ACTL6A: variants seen among roughly 807,000 people sequenced by gnomAD.
The protein encoded by ACTL6A is actin like 6A, also known as actin-like protein 6A.
ACTL6A carries 5 observed loss-of-function variants against 59.2 expected under a neutral mutation model. That is an observed-to-expected ratio of 0.08 (90% CI 0.04 to 0.18). The LOEUF is 0.18. Among genes scored for constraint, ACTL6A ranks in the 10% least tolerant of loss-of-function variants. The pLI, the probability that ACTL6A is intolerant of heterozygous loss-of-function variation, is 1.00. For missense variants in ACTL6A, 285 were observed against 526.9 expected, an observed-to-expected ratio of 0.54 and a Z score of 4.49; for synonymous variants, 154 against 171.8, an observed-to-expected ratio of 0.90 and a Z score of 0.81.
intron 13 of ACTL6A, 43 bp from the exon 14 acceptor site, chr3:179,587,887 A>T: frequency 6.5e-7 from 1 of 1,535,974 alleles, no homozygotes; most frequent in Non-Finnish European, 8.8e-7. Context: ...CATTTCTAGT[A>T]AGAAGTAAGG....
At chr3:179,572,027 T>A (rs1718023933) in intron 3 of ACTL6A, among the ~76,000 whole-genome samples, 1 of 151,876 alleles carries the variant, frequency 6.6e-6, no homozygotes, top group South Asian at 2.1e-4. Flanking sequence ...TCAAAGTACT[T>A]AGAACATCCA....
intron 12 of ACTL6A, 78 bp from the exon 13 acceptor site, chr3:179,586,468 A>G (rs1284570249): frequency 1.9e-4 from 72 of 376,560 alleles, no homozygotes; most frequent in Admixed American, 1.8e-3. Context: ...TCTCTATTTG[A>G]AAAAAAAAAA....
chr3:179,580,969 A>G lies in ACTL6A; in HGVS notation c.906A>G (p.Leu302=), dbSNP rs778872252. 16 of 1,585,776 alleles carry G rather than the reference A, an allele frequency of 1.0e-5. No individual in the cohort carries two copies. The South Asian group carries it at 1.2e-4, about 12-fold the overall frequency. Residue 302 remains leucine, a synonymous_variant, in exon 10 of 14, where the codon CTA becomes CTG. Transcript: ENST00000429709. The part of the protein sequence containing the change: ...GYNCDFGAER[L]KIPEGLFDPS... The stretch of plus-strand genomic sequence containing the variant: ...ATTGTGATTTTGGTGCAGAGCGGCT[A>G]AAGATTCCAGAAGGATTATTTGACC...
intron 1 of ACTL6A, among the ~76,000 whole-genome samples, chr3:179,564,690 A>G (rs1479950231): frequency 6.6e-6 from 1 of 152,234 alleles, no homozygotes; most frequent in Non-Finnish European, 1.5e-5. Flanking sequence ...TAGGACAGGA[A>G]AATGAGCTGA....
At chr3:179,581,264 G>A in intron 11 of ACTL6A, 44 bp downstream of exon 11, 1 of 1,476,114 alleles carries the variant, frequency 6.8e-7, no homozygotes. Context: ...ATCTTTTAGG[G>A]GACTGAAATG....
At chr3:179,563,271 G>T in intron 1 of ACTL6A, 154 bp downstream of exon 1, 1 of 1,244,010 alleles carries the variant, frequency 8.0e-7, no homozygotes, top group Non-Finnish European at 1.1e-6. Context: ...CGCTCTGCCC[G>T]CCCCCGGAGC....
chr3:179,568,738 A>G (rs986530024), intron 1 of ACTL6A, among the ~76,000 whole-genome samples: 4 of 152,170 alleles, frequency 2.6e-5, no homozygotes, highest in Admixed American at 2.0e-4. Flanking sequence ...CTGAGAGACC[A>G]TTAGATTATT....
chr3:179,563,167 T>C, intron 1 of ACTL6A, 50 bp downstream of exon 1: 2 of 1,574,610 alleles, frequency 1.3e-6, no homozygotes, highest in African/African-American at 1.3e-5. Context: ...GCGTGTGGGG[T>C]TTGTAACCGC....
intron 12 of ACTL6A, 101 bp from the exon 13 acceptor site, chr3:179,586,445 G>A (rs1718490973): frequency 7.0e-6 from 6 of 853,922 alleles, no homozygotes; most frequent in East Asian, 6.6e-5. Flanking sequence ...ACAATATGGC[G>A]AGGAAGACCC....
At chr3:179,586,400 C>A in intron 12 of ACTL6A, 146 bp from the exon 13 acceptor site, 1 of 544,168 alleles carries the variant, frequency 1.8e-6, no homozygotes, top group Non-Finnish European at 2.9e-6. Flanking sequence ...TGAGATGGGC[C>A]GATTGCTTGA....
Position 179,570,602 on chromosome 3 carries a change from G to A in ACTL6A, c.277+361G>A, listed in dbSNP as rs535378642. ...CAAAGGAGGTAACATGATGAATCTTGATCAATGAGTAAGAATTAGCTTGGC... is the reference window on the plus strand; with the variant it reads ...CAAAGGAGGTAACATGATGAATCTTAATCAATGAGTAAGAATTAGCTTGGC... On this transcript the variant is annotated intron_variant, in intron 3 of 13. Transcript: ENST00000429709. The surrounding 1 kb of genome is among the most constrained non-coding windows in gnomAD (Gnocchi z 4.3). 6.6e-6 allele frequency among the ~76,000 whole-genome samples: 1 copy of A among 152,326 alleles called. No individual in the cohort carries two copies. Among genetic ancestry groups the A allele is most frequent in the East Asian group, 1.9e-4 (1 of 5,182 alleles).
intron 3 of ACTL6A, among the ~76,000 whole-genome samples, chr3:179,571,956 C>T (rs1419418122): frequency 1.3e-5 from 2 of 152,204 alleles, no homozygotes; most frequent in Non-Finnish European, 2.9e-5. Flanking sequence ...TACAAGCAGG[C>T]CTTTCTCAGG....
chr3:179,575,106 G>A, intron 5 of ACTL6A: 1 of 268,190 alleles, frequency 3.7e-6, no homozygotes, highest in Non-Finnish European at 7.3e-6. Flanking sequence ...GTCTCCCAAA[G>A]TGCTGGGATT....
intron 1 of ACTL6A, among the ~76,000 whole-genome samples, chr3:179,566,599 T>A (rs952847141): frequency 1.3e-5 from 2 of 152,204 alleles, no homozygotes; most frequent in African/African-American, 4.8e-5. Context: ...GAGGTCTGTC[T>A]CTGTGTGTAG....
At chr3:179,576,334 C>G in intron 6 of ACTL6A, 23 bp downstream of exon 6, 1 of 1,521,350 alleles carries the variant, frequency 6.6e-7, no homozygotes, top group Non-Finnish European at 8.9e-7. Flanking sequence ...AACCAGGATA[C>G]ACTGAGATGA....
rs376359832 is a variant in ACTL6A at position 179,574,324 on chromosome 3, T to G, written c.379-46T>G. 34 of 1,283,424 alleles carry G rather than the reference T, an allele frequency of 2.6e-5. No homozygotes were observed. The African/African-American group carries it at 4.8e-4, about 18-fold the overall frequency. 79.5% of individuals were successfully genotyped at this position (1,283,424 alleles called of 1,614,324 possible). A position where few individuals can be genotyped will look rare whatever the true frequency, so the allele number is the denominator to read the frequency against. The stretch of plus-strand genomic sequence containing the variant: ...AGATTTTATCTGGAGATAAATCAAC[T>G]TTTTAATTCTTAATAACTTGCATTT... On this transcript the variant is annotated intron_variant, in intron 4 of 13. Transcript: ENST00000429709.
chr3:179,577,588 C>G (rs758456504), intron 8 of ACTL6A, among the ~76,000 whole-genome samples: 3 of 152,130 alleles, frequency 2.0e-5, no homozygotes, highest in Admixed American at 6.5e-5. Context: ...TATTGTCCCC[C>G]AGGTACTAAG....
intron 13 of ACTL6A, among the ~76,000 whole-genome samples, chr3:179,587,353 T>G (rs1205970249): frequency 1.3e-5 from 2 of 152,120 alleles, no homozygotes; most frequent in Non-Finnish European, 2.9e-5. Flanking sequence ...TTGCCTTAGG[T>G]TGGCATCAAG....
intron 5 of ACTL6A, chr3:179,575,253 C>T (rs1011281947): frequency 1.3e-5 from 5 of 392,556 alleles, no homozygotes; most frequent in African/African-American, 6.3e-5. Context: ...TCTCTGACCT[C>T]GCTGTGTTCT....
Sources: gnomAD v4.1 joint callset for allele counts (sites outside exome capture counted in the v4.1 genomes callset) on GRCh38, gnomAD v4.1.1 for gene constraint, Gnocchi (gnomAD v3.1) non-coding constraint, MANE v1.5 for transcripts, NCBI Gene and HGNC (gene_info 2026-07-23, HGNC 2026-07-21) for gene names.